SLC25A48: variants seen among roughly 807,000 people sequenced by gnomAD.
SLC25A48 encodes the protein CTC-321K16.1.
Under a neutral mutation model 32.2 loss-of-function variants are expected in SLC25A48, and 29 were observed. The ratio of observed to expected loss-of-function variants is 0.90; its 90% CI spans 0.67 to 1.23. The LOEUF is 1.23. Among genes scored for constraint, SLC25A48 ranks in the 50% most tolerant of loss-of-function variants. SLC25A48 has a pLI of 0.00. For synonymous variants in SLC25A48, 164 were observed against 172.3 expected (o/e 0.95, Z 0.38); for missense variants, 399 against 422.7 (o/e 0.94, Z 0.49).
chr5:135,616,783 A>T (rs1752200708), intron 1 of SLC25A48, among the ~76,000 whole-genome samples: 1 of 152,170 alleles, frequency 6.6e-6, no homozygotes, highest in South Asian at 2.1e-4. Context: ...GAGTGGAATG[A>T]TATGGTTTGG....
chr5:135,781,319 G>A lies in SLC25A48; in HGVS notation c.-520-31204G>A, dbSNP rs1243391496. Among the ~76,000 whole-genome samples the A allele has an allele frequency of 1.7e-5, 2 of 117,124 alleles. 1 individual carries two copies. Among genetic ancestry groups the A allele is most frequent in the Non-Finnish European group, 4.2e-5 (2 of 47,444 alleles). The allele number at this position is 117,124 out of a possible 152,430, so 76.8% of individuals were successfully genotyped here. ...GTTATCTAAATCGTAATATGCAGAA[G>A]GGGTAGGGATGACATTACTCTCCAT... On this transcript the variant is annotated intron_variant, in intron 3 of 10. Coordinates refer to the SLC25A48 transcript ENST00000646290.
intron 3 of SLC25A48, among the ~76,000 whole-genome samples, chr5:135,742,778 C>G (rs1340046417): frequency 6.6e-6 from 1 of 151,984 alleles, no homozygotes; most frequent in Non-Finnish European, 1.5e-5. Context: ...CTTGAAAGTG[C>G]CTCATTTATT....
At chr5:135,865,649 T>A (rs1761130207) in intron 4 of SLC25A48, among the ~76,000 whole-genome samples, 1 of 152,130 alleles carries the variant, frequency 6.6e-6, no homozygotes, top group Admixed American at 6.5e-5. Flanking sequence ...CGGGCCATAG[T>A]GTATGATTCC....
chr5:135,581,714 C>T (rs1357922655), intron 1 of SLC25A48, among the ~76,000 whole-genome samples: 2 of 152,266 alleles, frequency 1.3e-5, no homozygotes, highest in Non-Finnish European at 2.9e-5. Context: ...CTCAGTTACA[C>T]TCCTCAGTCT....
intron 3 of SLC25A48, among the ~76,000 whole-genome samples, chr5:135,806,439 CATA>C (rs1757465188): frequency 6.7e-6 from 1 of 149,632 alleles, no homozygotes; most frequent in Non-Finnish European, 1.5e-5. Context: ...TTATTAATAC[CATA>C]ATGTGTTCAC....
intron 3 of SLC25A48, among the ~76,000 whole-genome samples, chr5:135,726,159 G>A (rs1270929603): frequency 6.6e-6 from 1 of 152,244 alleles, no homozygotes; most frequent in Non-Finnish European, 1.5e-5. Context: ...GGAGGCCTCT[G>A]ATGAAGCCCC....
chr5:135,638,945 G>A (rs1196251864), intron 3 of SLC25A48, among the ~76,000 whole-genome samples: 1 of 152,104 alleles, frequency 6.6e-6, no homozygotes, highest in African/African-American at 2.4e-5. Flanking sequence ...AAATATAAAT[G>A]ACTTTCATTT....
intron 3 of SLC25A48, among the ~76,000 whole-genome samples, chr5:135,638,519 G>A (rs781577776): frequency 2.6e-5 from 4 of 152,220 alleles, no homozygotes; most frequent in Non-Finnish European, 5.9e-5. Flanking sequence ...AAACAAATAA[G>A]TTAGCCACAA....
chr5:135,851,591 T>C (rs1463165734), intron 3 of SLC25A48, among the ~76,000 whole-genome samples: 1 of 77,022 alleles, frequency 1.3e-5, no homozygotes, highest in Non-Finnish European at 3.0e-5. Flanking sequence ...TGTGCATACG[T>C]GTGTATATAT....
intron 3 of SLC25A48, among the ~76,000 whole-genome samples, chr5:135,784,975 A>T (rs1756798659): frequency 1.7e-5 from 1 of 59,544 alleles, no homozygotes; most frequent in Non-Finnish European, 6.2e-5. Flanking sequence ...TTACTCCAAA[A>T]ATAACAGTAG....
chr5:135,621,711 C>T (rs1036701936), intron 1 of SLC25A48, among the ~76,000 whole-genome samples: 4 of 152,034 alleles, frequency 2.6e-5, no homozygotes, highest in African/African-American at 9.7e-5. Context: ...AAATTAGGTT[C>T]TTTCACTATA....
chr5:135,694,229 T>C (rs913152239), intron 3 of SLC25A48, among the ~76,000 whole-genome samples: 2 of 152,182 alleles, frequency 1.3e-5, no homozygotes, highest in African/African-American at 2.4e-5. Flanking sequence ...CCTGGTATGC[T>C]GTATTAACTA....
At chr5:135,700,371 C>CAAAAAAAAAAAAAAAAAAAAAA (rs34125451) in intron 3 of SLC25A48, among the ~76,000 whole-genome samples, 6 of 67,954 alleles carry the variant, frequency 8.8e-5, no homozygotes, top group Admixed American at 2.1e-4. Flanking sequence ...GACTCTGTCT[C>CAAAAAAAAAAAAAAAAAAAAAA]AAAAAAAAAA....
At chr5:135,822,591 G>C (rs1411166647) in intron 4 of SLC25A48, among the ~76,000 whole-genome samples, 2 of 152,104 alleles carry the variant, frequency 1.3e-5, no homozygotes, top group Non-Finnish European at 2.9e-5. Context: ...TCATCTTATA[G>C]GGACAAGCCA....
intron 4 of SLC25A48, chr5:135,821,564 C>T (rs4518388): frequency 0.38 from 57,963 of 152,092 alleles, 12,594 homozygotes; most frequent in Non-Finnish European, 0.49. Context: ...GCTCACTGGC[C>T]CCCAGTCATG....
At chr5:135,815,433 C>T (rs1483150306) in intron 4 of SLC25A48, among the ~76,000 whole-genome samples, 1 of 152,100 alleles carries the variant, frequency 6.6e-6, no homozygotes, top group African/African-American at 2.4e-5. Context: ...TGGCCTGGTT[C>T]CTAAAAGGCC....
chr5:135,785,719 G>A (rs572394995), intron 3 of SLC25A48, among the ~76,000 whole-genome samples: 5 of 151,406 alleles, frequency 3.3e-5, no homozygotes, highest in African/African-American at 1.2e-4. Flanking sequence ...GAGGGGAGAG[G>A]GAGAGGGTGA....
At chr5:135,687,094 G>C (rs986821958) in intron 3 of SLC25A48, among the ~76,000 whole-genome samples, 14 of 152,126 alleles carry the variant, frequency 9.2e-5, no homozygotes, top group African/African-American at 2.7e-4. Flanking sequence ...CAAAGATCAT[G>C]AAGTTGTGCG....
At chr5:135,622,309 A>G (rs1752343778) in intron 1 of SLC25A48, among the ~76,000 whole-genome samples, 1 of 152,214 alleles carries the variant, frequency 6.6e-6, no homozygotes, top group Admixed American at 6.5e-5. Flanking sequence ...CAGTCCATTC[A>G]TCTTCTCTAA....
Sources: allele counts gnomAD v4.1 joint callset (sites outside exome capture counted in the v4.1 genomes callset), GRCh38; gene constraint gnomAD v4.1.1; transcripts MANE v1.5; gene names NCBI Gene and HGNC (gene_info 2026-07-23, HGNC 2026-07-21).